Variants in R3HDM2 observed in about 807,000 individuals in gnomAD.
The protein encoded by R3HDM2 is R3H domain-containing protein 2.
A neutral mutation model predicts 124.5 loss-of-function variants in R3HDM2; 38 were observed. The ratio of observed to expected loss-of-function variants is 0.31; its 90% CI spans 0.24 to 0.40. The LOEUF (loss-of-function observed/expected upper bound fraction) is 0.40, where lower values mean the gene tolerates loss of function less well. R3HDM2 is among the 10% of genes least tolerant of loss of function. The probability of loss-of-function intolerance (pLI) is 1.00; values close to 1 mark genes in which losing one functional copy is unlikely to be tolerated. For missense variants in R3HDM2, 869 were observed against 1,236.9 expected, an observed-to-expected ratio of 0.70 and a Z score of 4.46; for synonymous variants, 391 against 448.0, an observed-to-expected ratio of 0.87 and a Z score of 1.61.
intron 2 of R3HDM2, among the ~76,000 whole-genome samples, chr12:57,370,648 A>T (rs2063241527): frequency 6.6e-6 from 1 of 152,114 alleles, no homozygotes; most frequent in African/African-American, 2.4e-5. Flanking sequence ...CTCAAAAGAA[A>T]AATAAAATAA....
chr12:57,323,743 G>C (rs936935785), intron 2 of R3HDM2, among the ~76,000 whole-genome samples: 8 of 152,128 alleles, frequency 5.3e-5, no homozygotes, highest in Admixed American at 3.9e-4. Context: ...CTGAAGTGTT[G>C]GTTGGGCCCC....
intron 2 of R3HDM2, among the ~76,000 whole-genome samples, chr12:57,378,437 T>C (rs2064379492): frequency 6.6e-6 from 1 of 152,104 alleles, no homozygotes; most frequent in African/African-American, 2.4e-5. Context: ...TGGTGTGCAG[T>C]GGTGCACTCA....
chr12:57,354,749 CAT>C (rs1231726829), intron 2 of R3HDM2, among the ~76,000 whole-genome samples: 2 of 152,248 alleles, frequency 1.3e-5, no homozygotes, highest in Admixed American at 6.5e-5. Flanking sequence ...ATATATTCTA[CAT>C]ATGAGTATTT....
intron 2 of R3HDM2, among the ~76,000 whole-genome samples, chr12:57,379,044 C>A (rs1289478030): frequency 6.6e-6 from 1 of 152,092 alleles, no homozygotes; most frequent in Non-Finnish European, 1.5e-5. Flanking sequence ...TAGAATGGTA[C>A]TTGCCAGGGC....
intron 18 of R3HDM2, among the ~76,000 whole-genome samples, chr12:57,267,195 G>A (rs1592464180): frequency 1.3e-5 from 2 of 151,804 alleles, no homozygotes; most frequent in Admixed American, 1.3e-4. Flanking sequence ...CACAGACACA[G>A]AGTGCTAGAA....
intron 2 of R3HDM2, among the ~76,000 whole-genome samples, chr12:57,375,867 T>G (rs537903341): frequency 6.6e-6 from 1 of 152,060 alleles, no homozygotes; most frequent in African/African-American, 2.4e-5. Flanking sequence ...AGAGACAGGG[T>G]TTCACTATGT....
At chr12:57,376,734 G>A (rs2064115161) in intron 2 of R3HDM2, among the ~76,000 whole-genome samples, 1 of 152,096 alleles carries the variant, frequency 6.6e-6, no homozygotes, top group African/African-American at 2.4e-5. Context: ...CGGATCACCT[G>A]AGGTCAGGAG....
At chr12:57,313,235 C>T (rs1478441270) in intron 2 of R3HDM2, among the ~76,000 whole-genome samples, 5 of 152,034 alleles carry the variant, frequency 3.3e-5, no homozygotes, top group Non-Finnish European at 5.9e-5. Context: ...ATGCATTCTC[C>T]GTATCTCTTG....
chr12:57,297,509 A>G, intron 7 of R3HDM2, 122 bp from the exon 8 acceptor site: 2 of 589,476 alleles, frequency 3.4e-6, no homozygotes, highest in South Asian at 2.4e-5. Flanking sequence ...TATATATCCA[A>G]ACCCAGTAAT....
intron 2 of R3HDM2, among the ~76,000 whole-genome samples, chr12:57,339,834 C>T (rs981123097): frequency 6.6e-6 from 1 of 152,048 alleles, no homozygotes; most frequent in African/African-American, 2.4e-5. Flanking sequence ...TAGTGTCCTT[C>T]CAACATATAT....
chr12:57,383,520 T>C (rs1218386644), intron 2 of R3HDM2, among the ~76,000 whole-genome samples: 1 of 150,872 alleles, frequency 6.6e-6, no homozygotes, highest in Non-Finnish European at 1.5e-5. Context: ...CTGGCCAACA[T>C]GGTGAAACCC....
chr12:57,359,251 G>C (rs188367387), intron 2 of R3HDM2, among the ~76,000 whole-genome samples: 2 of 152,050 alleles, frequency 1.3e-5, no homozygotes, highest in African/African-American at 4.8e-5. Context: ...TGTAGAGATG[G>C]TGTTTCGCCA....
intron 1 of R3HDM2, among the ~76,000 whole-genome samples, chr12:57,404,040 T>C (rs375265691): frequency 2.3e-4 from 32 of 137,766 alleles, no homozygotes; most frequent in African/African-American, 8.4e-4. Flanking sequence ...ATAATAAAAA[T>C]AAAATAAAAA....
chr12:57,412,927 G>A (rs1024180877), intron 1 of R3HDM2, among the ~76,000 whole-genome samples: 11 of 151,910 alleles, frequency 7.2e-5, no homozygotes, highest in East Asian at 5.8e-4. Context: ...CGAGGTGGGC[G>A]GATCACGAGG....
At chr12:57,357,464 G>GAAA (rs752104852) in intron 2 of R3HDM2, among the ~76,000 whole-genome samples, 1 of 125,154 alleles carries the variant, frequency 8.0e-6, no homozygotes, top group Non-Finnish European at 1.7e-5. Context: ...TCCATCTCAA[G>GAAA]AAAAAAAAAA....
chr12:57,392,065 A>G (rs1167615453), intron 2 of R3HDM2, among the ~76,000 whole-genome samples: 2 of 152,328 alleles, frequency 1.3e-5, no homozygotes, highest in East Asian at 3.9e-4. Flanking sequence ...TGGGAGGCCA[A>G]GGCAGGAGAA....
chr12:57,344,762 C>G (rs1343437950), intron 2 of R3HDM2, among the ~76,000 whole-genome samples: 1 of 151,782 alleles, frequency 6.6e-6, no homozygotes, highest in Non-Finnish European at 1.5e-5. Flanking sequence ...GTCAGATCAA[C>G]AGAGGTATCA....
rs1345135832 is a variant in R3HDM2, at chr12:57,254,514, A to G, written c.*259T>C. 4.9e-6 allele frequency: 2 copies of G among 409,226 alleles called. No homozygotes were observed. Among genetic ancestry groups the G allele is most frequent in the Non-Finnish European group, 4.4e-6 (1 of 229,464 alleles). The allele number at this position is 409,226 out of a possible 1,614,324, so 25.3% of individuals were successfully genotyped here. On this transcript the variant is annotated 3_prime_UTR_variant, in exon 24 of 24. Transcript: ENST00000402412. Reference sequence around the variant, plus strand: ...GAAACTCCGTCTCAAAAAAAAAAAAAAAAAAAAAAAGAAGAGGATGGGAAG... The same window carrying G: ...GAAACTCCGTCTCAAAAAAAAAAAAGAAAAAAAAAAGAAGAGGATGGGAAG...
chr12:57,399,908 A>C (rs543122297), intron 1 of R3HDM2, among the ~76,000 whole-genome samples: 2 of 152,306 alleles, frequency 1.3e-5, no homozygotes, highest in African/African-American at 4.8e-5. Context: ...CACTGTGCTG[A>C]CATTCTCACC....
Sources: gnomAD v4.1 joint callset for allele counts (sites outside exome capture counted in the v4.1 genomes callset) on GRCh38, gnomAD v4.1.1 for gene constraint, MANE v1.5 for transcripts, NCBI Gene and HGNC (gene_info 2026-07-23, HGNC 2026-07-21) for gene names.